VAV3: variants seen among roughly 807,000 people sequenced by gnomAD.
VAV3 encodes the protein guanine nucleotide exchange factor VAV3.
Under a neutral mutation model 131.2 loss-of-function variants are expected in VAV3, and 94 were observed. The ratio of observed to expected loss-of-function variants is 0.72; its 90% CI spans 0.61 to 0.85. The LOEUF is 0.85. Ranked by LOEUF, VAV3 falls within the 40% of genes least tolerant of loss-of-function variation. VAV3 has a pLI of 0.00. For missense variants in VAV3, 939 were observed against 1,002.7 expected (o/e 0.94, Z 0.86); for synonymous variants, 349 against 342.0 (o/e 1.02, Z -0.22).
intron 1 of VAV3, among the ~76,000 whole-genome samples, chr1:107,959,678 C>T (rs1166183118): frequency 6.6e-6 from 1 of 152,168 alleles, no homozygotes; most frequent in African/African-American, 2.4e-5. Context: ...CTTCTTTCTT[C>T]ACTACTCCCT....
In VAV3 at chr1:107,619,321, G is replaced by A. The variant is rs72971589; in HGVS notation, c.1915-1689C>T. Reference sequence around the variant, plus strand: ...ACAAGGCAGAAAGAAACGATCAGGAGAGAGAGGAATCAGAGACCTGGGAGG... The same window carrying A: ...ACAAGGCAGAAAGAAACGATCAGGAAAGAGAGGAATCAGAGACCTGGGAGG... On this transcript the variant is annotated intron_variant, in intron 20 of 26. Coordinates refer to ENST00000370056, the MANE Select transcript of VAV3 (RefSeq NM_006113.5). 4.6e-3 allele frequency among the ~76,000 whole-genome samples: 694 copies of A among 152,294 alleles called. 8 individuals are homozygous for A. Among genetic ancestry groups the A allele is most frequent in the African/African-American group, 0.016 (662 of 41,574 alleles).
At chr1:107,926,639 A>G (rs1321032195) in intron 1 of VAV3, among the ~76,000 whole-genome samples, 3 of 152,112 alleles carry the variant, frequency 2.0e-5, no homozygotes, top group Non-Finnish European at 4.4e-5. Flanking sequence ...ATGGTAGAGA[A>G]AGAGTGCAGC....
chr1:107,958,516 G>A (rs554846454), intron 1 of VAV3, among the ~76,000 whole-genome samples: 67 of 152,224 alleles, frequency 4.4e-4, no homozygotes, highest in African/African-American at 1.5e-3. Flanking sequence ...GATGTTCAAA[G>A]GGCAACACTG....
chr1:107,840,018 A>G (rs1291209047), intron 2 of VAV3, among the ~76,000 whole-genome samples: 1 of 152,184 alleles, frequency 6.6e-6, no homozygotes. Context: ...TCGAATTAAT[A>G]ATTAATAACC....
intron 1 of VAV3, among the ~76,000 whole-genome samples, chr1:107,889,531 T>C (rs1211704572): frequency 1.3e-5 from 2 of 151,812 alleles, no homozygotes; most frequent in African/African-American, 4.8e-5. Context: ...ATGGTCTTCC[T>C]ACAGAAAAAA....
intron 15 of VAV3, among the ~76,000 whole-genome samples, chr1:107,738,908 G>A (rs1395283518): frequency 6.6e-6 from 1 of 152,112 alleles, no homozygotes; most frequent in African/African-American, 2.4e-5. Context: ...CAGTAGCACA[G>A]TAACCACCAC....
intron 20 of VAV3, among the ~76,000 whole-genome samples, chr1:107,631,650 C>T (rs1654498687): frequency 7.9e-6 from 1 of 126,896 alleles, no homozygotes; most frequent in African/African-American, 3.0e-5. Context: ...ACAACAGGCC[C>T]CAGAGTGTGA....
chr1:107,786,700 G>C (rs1392682325), intron 2 of VAV3, among the ~76,000 whole-genome samples: 1 of 152,140 alleles, frequency 6.6e-6, no homozygotes, highest in Non-Finnish European at 1.5e-5. Flanking sequence ...ACATAGAACT[G>C]AAAGAGTTCT....
intron 15 of VAV3, among the ~76,000 whole-genome samples, chr1:107,736,372 A>G (rs1235380627): frequency 1.3e-5 from 2 of 152,186 alleles, no homozygotes; most frequent in Non-Finnish European, 1.5e-5. Flanking sequence ...ATCAGGCAGG[A>G]GAAAGAAATA....
chr1:107,951,458 C>A (rs1423928370), intron 1 of VAV3, among the ~76,000 whole-genome samples: 1 of 152,076 alleles, frequency 6.6e-6, no homozygotes, highest in Non-Finnish European at 1.5e-5. Context: ...AATACAAAAG[C>A]AAAAATTGAC....
intron 19 of VAV3, among the ~76,000 whole-genome samples, chr1:107,673,285 A>G (rs1490819139): frequency 6.6e-6 from 1 of 152,168 alleles, no homozygotes; most frequent in Admixed American, 6.5e-5. Flanking sequence ...CAATCTGTTC[A>G]TCAGAATAAA....
At chr1:107,646,118 T>C (rs952534003) in intron 19 of VAV3, among the ~76,000 whole-genome samples, 1 of 152,094 alleles carries the variant, frequency 6.6e-6, no homozygotes, top group Non-Finnish European at 1.5e-5. Context: ...TATTTTCCCT[T>C]GGCTACCATA....
chr1:107,811,119 G>A (rs1667298006), intron 2 of VAV3, among the ~76,000 whole-genome samples: 1 of 152,164 alleles, frequency 6.6e-6, no homozygotes, highest in South Asian at 2.1e-4. Context: ...AGAAGGCACA[G>A]AGAAGATGAA....
At chr1:107,833,262 T>C (rs1349043932) in intron 2 of VAV3, among the ~76,000 whole-genome samples, 1 of 152,208 alleles carries the variant, frequency 6.6e-6, no homozygotes, top group Non-Finnish European at 1.5e-5. Context: ...AGTGAAAGTT[T>C]TCGTGGTCTG....
chr1:107,609,052 C>T (rs1332420402), intron 22 of VAV3, among the ~76,000 whole-genome samples: 2 of 152,030 alleles, frequency 1.3e-5, no homozygotes, highest in Admixed American at 6.6e-5. Flanking sequence ...CTGGCTTTAC[C>T]ACTCACTAGT....
At chr1:107,944,812 C>T (rs345286) in intron 1 of VAV3, among the ~76,000 whole-genome samples, 91,953 of 151,920 alleles carry the variant, frequency 0.61, 29,721 homozygotes, top group Middle Eastern at 0.76. Flanking sequence ...CACCATGTTG[C>T]CCAGGCTGGT....
chr1:107,689,731 T>C (rs1659292639), intron 17 of VAV3, among the ~76,000 whole-genome samples: 1 of 152,170 alleles, frequency 6.6e-6, no homozygotes, highest in South Asian at 2.1e-4. Flanking sequence ...GGACAAAAAG[T>C]TACTTCATTT....
chr1:107,725,299 T>A (rs1455658760), intron 15 of VAV3, among the ~76,000 whole-genome samples: 4 of 152,112 alleles, frequency 2.6e-5, no homozygotes, highest in Non-Finnish European at 5.9e-5. Context: ...GTGACTGGTG[T>A]CATCACTAGC....
chr1:107,627,881 C>T (rs1193023896), intron 20 of VAV3, among the ~76,000 whole-genome samples: 5 of 152,142 alleles, frequency 3.3e-5, no homozygotes, highest in African/African-American at 4.8e-5. Flanking sequence ...GAGATCACAA[C>T]TCTAAATAGG....
Sources: gnomAD v4.1 joint callset for allele counts (sites outside exome capture counted in the v4.1 genomes callset) on GRCh38, gnomAD v4.1.1 for gene constraint, MANE v1.5 for transcripts, NCBI Gene and HGNC (gene_info 2026-07-23, HGNC 2026-07-21) for gene names.